Variants in DLG2 observed in about 807,000 individuals in gnomAD.
DLG2 encodes disks large homolog 2.
Under a neutral mutation model 132.5 loss-of-function variants are expected in DLG2, and 45 were observed. That is an observed-to-expected ratio of 0.34 (90% CI 0.27 to 0.44). DLG2 has a LOEUF of 0.44. Ranked by LOEUF, DLG2 falls within the 20% of genes least tolerant of loss-of-function variation. The probability of loss-of-function intolerance (pLI) is 1.00; values close to 1 mark genes in which losing one functional copy is unlikely to be tolerated. For synonymous variants in DLG2, 424 were observed against 419.6 expected (o/e 1.01, Z -0.13); for missense variants, 1,045 against 1,196.9 (o/e 0.87, Z 1.87).
intron 6 of DLG2, among the ~76,000 whole-genome samples, chr11:84,617,728 G>C (rs2099607047): frequency 6.6e-6 from 1 of 151,852 alleles, no homozygotes; most frequent in South Asian, 2.1e-4. Flanking sequence ...CATTAACAAT[G>C]GGCACTTTTG....
At chr11:84,872,577 C>T (rs967692332) in intron 6 of DLG2, among the ~76,000 whole-genome samples, 1 of 152,110 alleles carries the variant, frequency 6.6e-6, no homozygotes, top group African/African-American at 2.4e-5. Context: ...AGGAAGTCAT[C>T]AATAATTTCA....
intron 8 of DLG2, among the ~76,000 whole-genome samples, chr11:84,224,890 C>G (rs2096968108): frequency 6.6e-6 from 1 of 152,156 alleles, no homozygotes; most frequent in Admixed American, 6.5e-5. Context: ...ACTGTCTTAT[C>G]CCCATGGATT....
chr11:83,759,535 T>C (rs902485739), intron 18 of DLG2, among the ~76,000 whole-genome samples: 3 of 152,188 alleles, frequency 2.0e-5, no homozygotes, highest in Admixed American at 2.0e-4. Context: ...GATTTTTTTT[T>C]CATTGTAGGA....
rs556354410 is a variant in DLG2 at position 84,398,773 on chromosome 11, T to C, written c.519+135797A>G. Among the ~76,000 whole-genome samples, 200 of 152,284 alleles carry C rather than the reference T, an allele frequency of 1.3e-3. No homozygotes were observed. In the Middle Eastern group the frequency reaches 0.014, roughly 10 times the overall value. ...TTTACACAATTCTTACTGTGTAAAA[T>C]AAACTATCATATGATCTGTGTTGTA... is the stretch of plus-strand genomic sequence containing the variant. On this transcript the variant is annotated intron_variant, in intron 7 of 27. Transcript: ENST00000376104.
chr11:83,712,301 C>T (rs574570618), intron 18 of DLG2, among the ~76,000 whole-genome samples: 3 of 152,218 alleles, frequency 2.0e-5, no homozygotes, highest in Non-Finnish European at 4.4e-5. Flanking sequence ...AAATGTCGTA[C>T]ATATACACCA....
intron 6 of DLG2, among the ~76,000 whole-genome samples, chr11:84,789,168 A>C (rs2073417508): frequency 6.6e-6 from 1 of 152,154 alleles, no homozygotes; most frequent in Admixed American, 6.6e-5. Flanking sequence ...TTTCATGATG[A>C]TTGGATAGCA....
At chr11:84,291,421 A>G (rs887695786) in intron 7 of DLG2, among the ~76,000 whole-genome samples, 18 of 152,218 alleles carry the variant, frequency 1.2e-4, no homozygotes, top group Non-Finnish European at 2.5e-4. Flanking sequence ...TATAATTTAC[A>G]TTATGTATTA....
intron 6 of DLG2, among the ~76,000 whole-genome samples, chr11:84,725,684 A>C (rs2062363378): frequency 6.6e-6 from 1 of 152,202 alleles, no homozygotes; most frequent in Non-Finnish European, 1.5e-5. Flanking sequence ...AATCTAGTTA[A>C]CTTATCTAAG....
At chr11:84,424,553 C>T (rs2098960511) in intron 7 of DLG2, among the ~76,000 whole-genome samples, 1 of 152,022 alleles carries the variant, frequency 6.6e-6, no homozygotes, top group South Asian at 2.1e-4. Context: ...GATGAGGAAG[C>T]ACACGAGGTT....
At chr11:84,433,718 G>A (rs1300294445) in intron 7 of DLG2, among the ~76,000 whole-genome samples, 1 of 152,144 alleles carries the variant, frequency 6.6e-6, no homozygotes. Flanking sequence ...CAGGCATTTA[G>A]GTCCTTTTTG....
chr11:83,677,401 T>C (rs1434414035), intron 18 of DLG2, among the ~76,000 whole-genome samples: 1 of 152,160 alleles, frequency 6.6e-6, no homozygotes, highest in African/African-American at 2.4e-5. Flanking sequence ...ATGCGTTAAG[T>C]ATTTACTGTG....
intron 6 of DLG2, chr11:84,923,339 G>T: frequency 8.2e-7 from 1 of 1,224,996 alleles, no homozygotes; most frequent in Non-Finnish European, 1.0e-6. Flanking sequence ...ATTATGCCCA[G>T]TAATTTCAAT....
chr11:85,063,128 G>A (rs1037204343), intron 6 of DLG2, among the ~76,000 whole-genome samples: 4 of 151,796 alleles, frequency 2.6e-5, no homozygotes, highest in Non-Finnish European at 5.9e-5. Flanking sequence ...GCTCATTCTC[G>A]CAGCTGTTAG....
At chr11:85,067,134 A>G (rs576188986) in intron 6 of DLG2, among the ~76,000 whole-genome samples, 11 of 151,806 alleles carry the variant, frequency 7.2e-5, no homozygotes, top group Non-Finnish European at 1.2e-4. Context: ...AATTTATTTG[A>G]GGTGTTTATA....
intron 7 of DLG2, among the ~76,000 whole-genome samples, chr11:84,481,815 G>A (rs955666857): frequency 4.6e-5 from 7 of 152,202 alleles, no homozygotes; most frequent in East Asian, 3.9e-4. Flanking sequence ...GTAAAATGTC[G>A]TACTGCAACT....
At chr11:84,806,156 A>T (rs1255576847) in intron 6 of DLG2, among the ~76,000 whole-genome samples, 1 of 152,186 alleles carries the variant, frequency 6.6e-6, no homozygotes, top group African/African-American at 2.4e-5. Context: ...TGACCTAAAA[A>T]ATCACAAGAG....
intron 12 of DLG2, among the ~76,000 whole-genome samples, chr11:83,977,203 C>T (rs2092343335): frequency 6.6e-6 from 1 of 151,930 alleles, no homozygotes; most frequent in African/African-American, 2.4e-5. Flanking sequence ...GATCCAGTAA[C>T]TTCTCAAAGG....
At chr11:83,655,677 G>A (rs1049637816) in intron 18 of DLG2, among the ~76,000 whole-genome samples, 11 of 152,188 alleles carry the variant, frequency 7.2e-5, no homozygotes, top group African/African-American at 2.7e-4. Context: ...TTAAAGAAAA[G>A]GGAAATTTTA....
At chr11:84,441,878 C>A (rs1464198126) in intron 7 of DLG2, among the ~76,000 whole-genome samples, 1 of 152,114 alleles carries the variant, frequency 6.6e-6, no homozygotes, top group Non-Finnish European at 1.5e-5. Context: ...ATAGGGGATC[C>A]TTTCCCCATT....
Sources: allele counts gnomAD v4.1 joint callset (sites outside exome capture counted in the v4.1 genomes callset), GRCh38; gene constraint gnomAD v4.1.1; transcripts MANE v1.5; gene names NCBI Gene and HGNC (gene_info 2026-07-23, HGNC 2026-07-21).